Variants in KCNH1 observed in about 807,000 individuals in gnomAD.
KCNH1 encodes voltage-gated delayed rectifier potassium channel KCNH1.
KCNH1 carries 27 observed loss-of-function variants against 69.2 expected under a neutral mutation model. That is an observed-to-expected ratio of 0.39 (90% confidence interval 0.29 to 0.54). The LOEUF (loss-of-function observed/expected upper bound fraction) is 0.54. Ranked by LOEUF, KCNH1 falls within the 20% of genes least tolerant of loss-of-function variation. KCNH1 has a pLI of 0.68. For missense variants in KCNH1, 798 were observed against 1,261.6 expected, an observed-to-expected ratio of 0.63 and a Z score of 5.57; for synonymous variants, 456 against 487.7, an observed-to-expected ratio of 0.93 and a Z score of 0.86.
chr1:210,703,287 A>C (rs758286870), intron 10 of KCNH1, among the ~76,000 whole-genome samples: 48 of 152,248 alleles, frequency 3.2e-4, no homozygotes, highest in African/African-American at 1.0e-3. Context: ...GATAAGAGAG[A>C]TCACAGAAAA....
intron 6 of KCNH1, among the ~76,000 whole-genome samples, chr1:211,008,937 G>A (rs1689339746): frequency 6.6e-6 from 1 of 152,138 alleles, no homozygotes; most frequent in African/African-American, 2.4e-5. Context: ...TTTGTAGTAG[G>A]GTTCTCAGGG....
At chr1:210,743,531 C>G (rs1446051230) in intron 10 of KCNH1, among the ~76,000 whole-genome samples, 3 of 152,168 alleles carry the variant, frequency 2.0e-5, no homozygotes, top group Non-Finnish European at 4.4e-5. Flanking sequence ...GCTGAGGAAC[C>G]CTCCATCCCT....
intron 7 of KCNH1, among the ~76,000 whole-genome samples, chr1:210,865,179 T>C (rs1256862380): frequency 6.6e-6 from 1 of 152,102 alleles, no homozygotes; most frequent in East Asian, 1.9e-4. Context: ...TACAATCTGC[T>C]TCATTTGTCA....
chr1:210,973,945 TA>T, intron 6 of KCNH1, among the ~76,000 whole-genome samples: 1 of 152,318 alleles, frequency 6.6e-6, no homozygotes, highest in Non-Finnish European at 1.5e-5. Flanking sequence ...ATTAATTTAT[TA>T]ATGTATTTTT....
intron 7 of KCNH1, among the ~76,000 whole-genome samples, chr1:210,878,173 A>C (rs1011213103): frequency 3.3e-5 from 5 of 152,148 alleles, no homozygotes; most frequent in Non-Finnish European, 7.4e-5. Context: ...CTGCAAGGAG[A>C]AAAAGATGAA....
intron 6 of KCNH1, among the ~76,000 whole-genome samples, chr1:211,004,242 G>A (rs1473449952): frequency 2.6e-5 from 4 of 152,132 alleles, no homozygotes; most frequent in African/African-American, 9.7e-5. Flanking sequence ...AAATGCTAAA[G>A]GGTGTTCCTC....
chr1:210,802,128 A>G (rs1026252762), intron 8 of KCNH1, among the ~76,000 whole-genome samples: 9 of 152,228 alleles, frequency 5.9e-5, no homozygotes, highest in African/African-American at 1.9e-4. Flanking sequence ...ATGTAGAAGA[A>G]GCACAACAAA....
intron 7 of KCNH1, among the ~76,000 whole-genome samples, chr1:210,874,291 T>A (rs1378199087): frequency 6.6e-6 from 1 of 152,204 alleles, no homozygotes; most frequent in Admixed American, 6.5e-5. Flanking sequence ...AGCTGTACAT[T>A]AAGACATCTC....
intron 5 of KCNH1, among the ~76,000 whole-genome samples, chr1:211,023,443 A>C (rs941020896): frequency 6.6e-6 from 1 of 151,626 alleles, no homozygotes; most frequent in Admixed American, 6.6e-5. Context: ...ATTAATGGAT[A>C]TATGTACCCA....
chr1:210,932,582 A>C (rs1488315692), intron 6 of KCNH1, among the ~76,000 whole-genome samples: 2 of 152,138 alleles, frequency 1.3e-5, no homozygotes, highest in African/African-American at 4.8e-5. Flanking sequence ...TGAATAAAAA[A>C]CCAAGACCCA....
At chr1:210,955,510 G>A (rs940791324) in intron 6 of KCNH1, among the ~76,000 whole-genome samples, 6 of 152,124 alleles carry the variant, frequency 3.9e-5, no homozygotes, top group South Asian at 2.1e-4. Context: ...CCATTTTCAC[G>A]ATATTGATTC....
Position 211,081,993 on chromosome 1 carries a change from A to T in KCNH1, c.558+787T>A, listed in dbSNP as rs1381446871. Among the ~76,000 whole-genome samples, 4 of 152,146 alleles carry T rather than the reference A, an allele frequency of 2.6e-5. No individual in the cohort carries two copies. The South Asian group carries it at 6.2e-4, about 24-fold the overall frequency. ...AAGAGAAGTTAAAAAATTAAAAAATAAAAAATAAAATAAAAATAAAGACCA... is the reference window on the plus strand; with the variant it reads ...AAGAGAAGTTAAAAAATTAAAAAATTAAAAATAAAATAAAAATAAAGACCA... On this transcript the variant is annotated intron_variant, in intron 5 of 10. Transcript: ENST00000271751.
intron 10 of KCNH1, among the ~76,000 whole-genome samples, chr1:210,774,017 G>C (rs1025218198): frequency 6.6e-5 from 10 of 152,142 alleles, no homozygotes; most frequent in African/African-American, 2.4e-4. Flanking sequence ...GATGTGGTGT[G>C]CTTGGAGTAC....
At chr1:211,074,771 A>G (rs1433908129) in intron 5 of KCNH1, among the ~76,000 whole-genome samples, 1 of 152,194 alleles carries the variant, frequency 6.6e-6, no homozygotes, top group East Asian at 1.9e-4. Flanking sequence ...CAGTCAGTCG[A>G]AAGGTGTTAA....
At chr1:210,803,162 G>A (rs112334626) in intron 8 of KCNH1, among the ~76,000 whole-genome samples, 6,428 of 152,236 alleles carry the variant, frequency 0.042, 265 homozygotes, top group East Asian at 0.13. Flanking sequence ...GAGTGCAGTG[G>A]CATTATCTTG....
At chr1:210,988,961 T>C (rs1430906124) in intron 6 of KCNH1, among the ~76,000 whole-genome samples, 1 of 152,230 alleles carries the variant, frequency 6.6e-6, no homozygotes, top group Non-Finnish European at 1.5e-5. Flanking sequence ...GAAACTGACA[T>C]GCTTATAATA....
At chr1:210,917,779 C>T (rs1187904600) in intron 7 of KCNH1, among the ~76,000 whole-genome samples, 2 of 152,142 alleles carry the variant, frequency 1.3e-5, no homozygotes, top group Non-Finnish European at 2.9e-5. Context: ...CCCCAAGGCT[C>T]ACAAAAATGC....
chr1:210,841,090 A>G (rs939078129), intron 7 of KCNH1, among the ~76,000 whole-genome samples: 2 of 152,070 alleles, frequency 1.3e-5, no homozygotes, highest in Non-Finnish European at 1.5e-5. Flanking sequence ...CAAAACCTGG[A>G]CCCCAAAAAT....
At chr1:210,729,312 A>G (rs149899456) in intron 10 of KCNH1, among the ~76,000 whole-genome samples, 2 of 152,358 alleles carry the variant, frequency 1.3e-5, no homozygotes, top group African/African-American at 4.8e-5. Flanking sequence ...TTAAGAAATT[A>G]TCAAGAAAAA....
Sources: gnomAD v4.1 joint callset for allele counts (sites outside exome capture counted in the v4.1 genomes callset) on GRCh38, gnomAD v4.1.1 for gene constraint, MANE v1.5 for transcripts, NCBI Gene and HGNC (gene_info 2026-07-23, HGNC 2026-07-21) for gene names.